The following ATRNL1 variants were observed in gnomAD, a reference collection of about 807,000 sequenced individuals.
ATRNL1 encodes the protein attractin-like protein 1.
In ATRNL1, 95 loss-of-function variants were observed where a neutral mutation model predicts 182.7. The ratio of observed to expected loss-of-function variants is 0.52; its 90% CI spans 0.44 to 0.62. ATRNL1 has a LOEUF of 0.62. Among genes scored for constraint, ATRNL1 ranks in the 20% least tolerant of loss-of-function variants. The probability of loss-of-function intolerance (pLI) is 0.00; values close to 1 mark genes in which losing one functional copy is unlikely to be tolerated. For missense variants in ATRNL1, 1,471 were observed against 1,679.5 expected (o/e 0.88, Z 2.17); for synonymous variants, 576 against 568.3 (o/e 1.01, Z -0.19).
intron 28 of ATRNL1, among the ~76,000 whole-genome samples, chr10:115,875,974 G>T (rs1555107145): frequency 6.6e-6 from 1 of 152,164 alleles, no homozygotes; most frequent in African/African-American, 2.4e-5. Context: ...TGAGTGTCAA[G>T]GACACTGAAA....
chr10:115,272,975 AGG>A (rs1554913718), intron 13 of ATRNL1, among the ~76,000 whole-genome samples: 1 of 152,204 alleles, frequency 6.6e-6, no homozygotes. Context: ...TGAGCGAGGA[AGG>A]CAAATCTATA....
chr10:115,338,035 C>G (rs1417626359), intron 19 of ATRNL1, among the ~76,000 whole-genome samples: 1 of 151,758 alleles, frequency 6.6e-6, no homozygotes, highest in Non-Finnish European at 1.5e-5. Flanking sequence ...AGGCAGAGCT[C>G]TGGCCTGAAT....
chr10:115,201,854 C>T (rs1371570767), intron 8 of ATRNL1, among the ~76,000 whole-genome samples: 2 of 152,116 alleles, frequency 1.3e-5, no homozygotes, highest in East Asian at 3.9e-4. Flanking sequence ...TGATTCTTCC[C>T]ACCCATGAGC....
intron 28 of ATRNL1, among the ~76,000 whole-genome samples, chr10:115,933,232 A>G (rs541630084): frequency 1.3e-5 from 2 of 152,240 alleles, no homozygotes; most frequent in African/African-American, 4.8e-5. Context: ...GACATTGCCC[A>G]GTCTCTTTAC....
chr10:115,821,452 T>C (rs1470842458), intron 27 of ATRNL1, among the ~76,000 whole-genome samples: 3 of 152,060 alleles, frequency 2.0e-5, no homozygotes, highest in African/African-American at 7.2e-5. Flanking sequence ...ACCTTAAGTG[T>C]AAACGGGCCA....
rs1554918828 is a variant in ATRNL1 at position 115,286,246 on chromosome 10, T to C, written c.2264T>C (p.Ile755Thr). The change falls in exon 15 of 29, where the codon ATT (isoleucine) becomes ACT (threonine). Residue 755 changes from isoleucine (I) to threonine (T), a missense_variant. Around this residue, in one of 3 missense-constraint regions of ATRNL1, gnomAD observed 1,031 missense variants for 1,156.0 expected, o/e 0.89. Transcript: ENST00000355044. ...AHLCGEGWSH[I>T]GDACLRVNSS... ...CTTTGTGGAGAAGGATGGAGTCATA[T>C]TGGGGATGCTTGTCTTAGAGTCAAT... is the stretch of plus-strand genomic sequence containing the variant. 12 of 1,593,972 alleles carry C rather than the reference T, an allele frequency of 7.5e-6. No individual in the cohort carries two copies. The highest frequency in any genetic ancestry group is 8.6e-6 in the Non-Finnish European group (10 of 1,163,140).
chr10:115,814,711 T>A (rs570280142), intron 27 of ATRNL1, among the ~76,000 whole-genome samples: 1 of 152,238 alleles, frequency 6.6e-6, no homozygotes, highest in East Asian at 1.9e-4. Flanking sequence ...ACTGGTTTGA[T>A]CATTGACAAA....
intron 10 of ATRNL1, among the ~76,000 whole-genome samples, chr10:115,247,096 T>C (rs1554904257): frequency 6.6e-6 from 1 of 151,908 alleles, no homozygotes; most frequent in East Asian, 1.9e-4. Context: ...AAGACATGGG[T>C]CTGGAGAAGA....
At chr10:115,115,873 G>T (rs1448286052) in intron 1 of ATRNL1, among the ~76,000 whole-genome samples, 2 of 152,062 alleles carry the variant, frequency 1.3e-5, no homozygotes, top group Non-Finnish European at 2.9e-5. Flanking sequence ...TTTAATTTTA[G>T]TATTGTCTAA....
intron 26 of ATRNL1, among the ~76,000 whole-genome samples, chr10:115,615,447 C>G (rs1455420232): frequency 6.6e-6 from 1 of 151,604 alleles, no homozygotes; most frequent in African/African-American, 2.4e-5. Flanking sequence ...TATATAATAT[C>G]ATTCTTTTCT....
At chr10:115,404,567 T>A (rs1554957757) in intron 20 of ATRNL1, among the ~76,000 whole-genome samples, 1 of 152,210 alleles carries the variant, frequency 6.6e-6, no homozygotes, top group African/African-American at 2.4e-5. Flanking sequence ...GGAATCAAAC[T>A]TATTGTATAG....
intron 9 of ATRNL1, among the ~76,000 whole-genome samples, chr10:115,219,915 A>AG (rs1849385504): frequency 6.6e-6 from 1 of 151,762 alleles, no homozygotes; most frequent in Non-Finnish European, 1.5e-5. Context: ...AAAAACAAAA[A>AG]AGAGAGAGAG....
chr10:115,638,125 A>T (rs1056162286), intron 26 of ATRNL1, among the ~76,000 whole-genome samples: 3 of 152,108 alleles, frequency 2.0e-5, no homozygotes, highest in Admixed American at 2.0e-4. Flanking sequence ...AACTTCATTC[A>T]TGATAAATGC....
chr10:115,338,002 G>A (rs10885693), intron 19 of ATRNL1, among the ~76,000 whole-genome samples: 151,742 of 152,212 alleles, frequency 1, 75,642 homozygotes, highest in Non-Finnish European at 1. Context: ...ATGAGAATCT[G>A]ATGCCACCAC....
At chr10:115,751,467 T>A (rs1555070612) in intron 27 of ATRNL1, among the ~76,000 whole-genome samples, 1 of 152,016 alleles carries the variant, frequency 6.6e-6, no homozygotes, top group African/African-American at 2.4e-5. Context: ...ACAGGCACTT[T>A]CATTTATTGT....
intron 23 of ATRNL1, among the ~76,000 whole-genome samples, chr10:115,468,308 A>G (rs1848148162): frequency 6.6e-6 from 1 of 150,840 alleles, no homozygotes; most frequent in Non-Finnish European, 1.5e-5. Context: ...CTTTAGAACA[A>G]TAATTTTAGT....
intron 26 of ATRNL1, among the ~76,000 whole-genome samples, chr10:115,612,377 A>G (rs1857207690): frequency 6.6e-6 from 1 of 152,232 alleles, no homozygotes; most frequent in African/African-American, 2.4e-5. Context: ...TTACTAACAT[A>G]CTGTCAACCT....
chr10:115,572,184 T>A (rs1301437968), intron 26 of ATRNL1, among the ~76,000 whole-genome samples: 1 of 152,102 alleles, frequency 6.6e-6, no homozygotes, highest in Non-Finnish European at 1.5e-5. Context: ...TACAGTAAAT[T>A]TTACTATATA....
chr10:115,510,522 T>C (rs555765834), intron 24 of ATRNL1, among the ~76,000 whole-genome samples: 1 of 152,170 alleles, frequency 6.6e-6, no homozygotes, highest in East Asian at 1.9e-4. Flanking sequence ...CATTAGCAGT[T>C]TTTAGCCATA....
Sources: gnomAD v4.1 joint callset for allele counts (sites outside exome capture counted in the v4.1 genomes callset) on GRCh38, gnomAD v4.1.1 for gene constraint, gnomAD v4.1.1 regional missense constraint, MANE v1.5 for transcripts, NCBI Gene and HGNC (gene_info 2026-07-23, HGNC 2026-07-21) for gene names.